Variants in IRAG1 observed in about 807,000 individuals in gnomAD.
IRAG1 encodes inositol 1,4,5-triphosphate receptor associated 1.
In IRAG1, 62 loss-of-function variants were observed where a neutral mutation model predicts 106.2. The ratio of observed to expected loss-of-function variants is 0.58; its 90% CI spans 0.48 to 0.72. The LOEUF (loss-of-function observed/expected upper bound fraction) is 0.72, where lower values mean the gene tolerates loss of function less well. Among genes scored for constraint, IRAG1 ranks in the 30% least tolerant of loss-of-function variants. IRAG1 has a pLI of 0.00. For synonymous variants in IRAG1, 462 were observed against 443.9 expected, an observed-to-expected ratio of 1.04 and a Z score of -0.51; for missense variants, 1,064 against 1,140.7, an observed-to-expected ratio of 0.93 and a Z score of 0.97.
chr11:10,597,327 A>C (rs1171901932), intron 15 of IRAG1, among the ~76,000 whole-genome samples: 1 of 152,026 alleles, frequency 6.6e-6, no homozygotes, highest in Admixed American at 6.6e-5. Context: ...TATGTCTCCA[A>C]TAATTTTTGT....
chr11:10,591,005 A>C lies in IRAG1; in HGVS notation c.2240+543T>G, dbSNP rs894634785. 1.4e-4 allele frequency among the ~76,000 whole-genome samples: 22 copies of C among 152,330 alleles called. 1 individual carries two copies. The highest frequency in any genetic ancestry group is 6.8e-3 in the Middle Eastern group (2 of 294). On this transcript the variant is annotated intron_variant, in intron 18 of 20. Transcript: ENST00000423302. The stretch of plus-strand genomic sequence containing the variant: ...AGATTTGTCAATGAGATAATAGAGA[A>C]GACTGGTGAAAGGCTTCTGGGTTTA...
intron 2 of IRAG1, among the ~76,000 whole-genome samples, chr11:10,634,287 T>C (rs1393265302): frequency 6.6e-6 from 1 of 152,228 alleles, no homozygotes; most frequent in East Asian, 1.9e-4. Context: ...TTTCATTACC[T>C]TGATACAATG....
rs1000796471 is a variant in IRAG1 at position 10,647,494 on chromosome 11, T to C, written c.225+4531A>G. On this transcript the variant is annotated intron_variant, in intron 2 of 20. Coordinates refer to ENST00000423302, the MANE Select transcript of IRAG1 (RefSeq NM_130385.4). This position sits in a 1 kb window ranked among gnomAD's most constrained non-coding sequence, Gnocchi z 4.3. ...GGTAGCTGGGTGCTGGAATGGGTGATATGAAGAGGTGAAGTCTGCTTATGA... is the reference window on the plus strand; with the variant it reads ...GGTAGCTGGGTGCTGGAATGGGTGACATGAAGAGGTGAAGTCTGCTTATGA... Among the ~76,000 whole-genome samples the C allele has an allele frequency of 6.6e-6, 1 of 152,084 alleles. No individual in the cohort carries two copies. Among genetic ancestry groups the C allele is most frequent in the Admixed American group, 6.5e-5 (1 of 15,270 alleles).
At chr11:10,624,079 T>C (rs1856044631) in intron 9 of IRAG1, among the ~76,000 whole-genome samples, 1 of 152,150 alleles carries the variant, frequency 6.6e-6, no homozygotes, top group African/African-American at 2.4e-5. Context: ...AGCACCACTT[T>C]CCATGGGTCA....
chr11:10,598,849 T>C (rs1243891507), intron 15 of IRAG1, among the ~76,000 whole-genome samples: 2 of 152,250 alleles, frequency 1.3e-5, no homozygotes, highest in African/African-American at 4.8e-5. Context: ...TTAAAAAATG[T>C]ATATCACCTT....
chr11:10,610,394 G>T (rs574835417), intron 10 of IRAG1, among the ~76,000 whole-genome samples: 1 of 152,262 alleles, frequency 6.6e-6, no homozygotes, highest in South Asian at 2.1e-4. Context: ...AAACATAAAT[G>T]CCTCCTAGTC....
At chr11:10,606,662 A>T in intron 12 of IRAG1, 80 bp downstream of exon 12, 1 of 1,397,882 alleles carries the variant, frequency 7.2e-7, no homozygotes, top group Non-Finnish European at 9.8e-7. Flanking sequence ...TGTCAGAGCT[A>T]GAGTCTGGAG....
At chr11:10,661,785 A>G (rs1859423957) in intron 1 of IRAG1, among the ~76,000 whole-genome samples, 1 of 152,148 alleles carries the variant, frequency 6.6e-6, no homozygotes, top group Non-Finnish European at 1.5e-5. Flanking sequence ...AGTATTCCCA[A>G]TTTAATCATA....
chr11:10,635,964 C>T (rs543547690), intron 2 of IRAG1, among the ~76,000 whole-genome samples: 5 of 152,224 alleles, frequency 3.3e-5, no homozygotes, highest in Middle Eastern at 3.4e-3. Context: ...CAGAATCTCC[C>T]GGGACATGGA....
chr11:10,650,632 TGTGA>T (rs1394891398), intron 2 of IRAG1, among the ~76,000 whole-genome samples: 1 of 152,188 alleles, frequency 6.6e-6, no homozygotes, highest in African/African-American at 2.4e-5. Flanking sequence ...TGAATGCAGT[TGTGA>T]GTGTTTTGTC....
Position 10,664,282 on chromosome 11 carries a change from T to G in IRAG1, c.68-12100A>C, listed in dbSNP as rs1335166443. 2.0e-5 allele frequency among the ~76,000 whole-genome samples: 3 copies of G among 152,244 alleles called. No individual in the cohort carries two copies. The East Asian group carries it at 5.8e-4, about 29-fold the overall frequency. On this transcript the variant is annotated intron_variant, in intron 1 of 20. Coordinates refer to ENST00000423302, the MANE Select transcript of IRAG1 (RefSeq NM_130385.4). ...CCCTGCTGGGATGGAGCACCCCAGC[T>G]CAGGTCCCCGCCTCCTGTTCATCTC...
At chr11:10,635,153 C>T (rs1857052098) in intron 2 of IRAG1, among the ~76,000 whole-genome samples, 1 of 152,224 alleles carries the variant, frequency 6.6e-6, no homozygotes, top group Non-Finnish European at 1.5e-5. Flanking sequence ...GGTTCCACGA[C>T]AGTCCTACCT....
intron 4 of IRAG1, among the ~76,000 whole-genome samples, chr11:10,631,456 C>T (rs1184190876): frequency 1.3e-5 from 2 of 152,240 alleles, no homozygotes; most frequent in Non-Finnish European, 1.5e-5. Context: ...CCCCTTCTTG[C>T]CTTGGCTGGC....
chr11:10,639,744 G>A (rs1469564267), intron 2 of IRAG1, among the ~76,000 whole-genome samples: 2 of 151,892 alleles, frequency 1.3e-5, no homozygotes, highest in Non-Finnish European at 2.9e-5. Flanking sequence ...GTTATTTTTT[G>A]TGCAGATTGT....
At chr11:10,603,297 T>A (rs746353284) in intron 13 of IRAG1, 46 bp from the exon 14 acceptor site, 1 of 1,602,630 alleles carries the variant, frequency 6.2e-7, no homozygotes, top group Non-Finnish European at 8.5e-7. Flanking sequence ...AATAATGTTA[T>A]GGACTAAATC....
At chr11:10,601,151 A>C (rs2134312962) in intron 14 of IRAG1, 92 bp from the exon 15 acceptor site, 1 of 1,521,908 alleles carries the variant, frequency 6.6e-7, no homozygotes, top group African/African-American at 1.4e-5. Flanking sequence ...GGGCTAGGAG[A>C]ATCAAAAGGA....
chr11:10,645,458 C>A (rs1489242970), intron 2 of IRAG1, among the ~76,000 whole-genome samples: 1 of 152,304 alleles, frequency 6.6e-6, no homozygotes, highest in African/African-American at 2.4e-5. Flanking sequence ...TGTACGACTG[C>A]GTTCTGAAGG....
At chr11:10,661,636 C>G (rs568515622) in intron 1 of IRAG1, among the ~76,000 whole-genome samples, 4 of 152,170 alleles carry the variant, frequency 2.6e-5, no homozygotes, top group African/African-American at 9.7e-5. Context: ...CCAGCAGAGT[C>G]GCTGGCATCT....
At chr11:10,608,329 T>G (rs1259234692) in intron 11 of IRAG1, among the ~76,000 whole-genome samples, 1 of 152,080 alleles carries the variant, frequency 6.6e-6, no homozygotes, top group Non-Finnish European at 1.5e-5. Context: ...AGAGTTTCAC[T>G]CTGTTGTCCA....
Sources: allele counts gnomAD v4.1 joint callset (sites outside exome capture counted in the v4.1 genomes callset), GRCh38; gene constraint gnomAD v4.1.1; non-coding constraint Gnocchi (gnomAD v3.1); transcripts MANE v1.5; gene names NCBI Gene and HGNC (gene_info 2026-07-23, HGNC 2026-07-21).